Variants in RAPGEF1 observed in about 807,000 individuals in gnomAD.
The protein encoded by RAPGEF1 is Rap guanine nucleotide exchange factor 1, also known as CRK SH3-binding GNRP.
RAPGEF1 carries 33 observed loss-of-function variants against 143.3 expected under a neutral mutation model. The ratio of observed to expected loss-of-function variants is 0.23; its 90% CI spans 0.17 to 0.31. The LOEUF (loss-of-function observed/expected upper bound fraction) is 0.31, where lower values mean the gene tolerates loss of function less well. Ranked by LOEUF, RAPGEF1 falls within the 10% of genes least tolerant of loss-of-function variation. RAPGEF1 has a pLI of 1.00. For synonymous variants in RAPGEF1, 629 were observed against 676.5 expected (o/e 0.93, Z 1.09); for missense variants, 1,199 against 1,645.4 (o/e 0.73, Z 4.69).
At position 131,605,009 on chromosome 9, in the gene RAPGEF1, C is replaced by T; in HGVS notation, c.2241G>A (p.Gly747=). The T allele has an allele frequency of 7.4e-7, 1 of 1,357,746 alleles. No individual in the cohort carries two copies. The highest frequency in any genetic ancestry group is 9.8e-7 in the Non-Finnish European group (1 of 1,018,068). The allele number at this position is 1,357,746 out of a possible 1,614,324, so 84.1% of individuals were successfully genotyped here. The part of the protein sequence containing the change: ...MAGPPPSTVD[G]PLSASQESSF... ...TGCTCTCCTGAGAAGCCGAGAGAGG[C>T]CCGTCCACGGTGCTGGGAGGTGGAC... Residue 747 remains glycine (G), a synonymous_variant, in exon 13 of 27, where the codon GGG becomes GGA. Transcript: ENST00000683357.
intron 1 of RAPGEF1, among the ~76,000 whole-genome samples, chr9:131,720,726 T>A (rs1221623316): frequency 6.6e-6 from 1 of 152,148 alleles, no homozygotes; most frequent in Non-Finnish European, 1.5e-5. Context: ...CCTCCCACAG[T>A]ATATCACTTG....
chr9:131,595,194 C>T (rs1955042082), intron 17 of RAPGEF1, among the ~76,000 whole-genome samples: 1 of 152,242 alleles, frequency 6.6e-6, no homozygotes, highest in Admixed American at 6.5e-5. Context: ...TGTCATGGCA[C>T]AGCTGGGGCT....
At chr9:131,701,332 C>T (rs1300167072) in intron 1 of RAPGEF1, among the ~76,000 whole-genome samples, 1 of 152,182 alleles carries the variant, frequency 6.6e-6, no homozygotes, top group East Asian at 1.9e-4. Context: ...CTTACCCACA[C>T]CCAAAACTAC....
At chr9:131,735,187 G>A (rs756471520) in intron 1 of RAPGEF1, among the ~76,000 whole-genome samples, 7 of 152,222 alleles carry the variant, frequency 4.6e-5, no homozygotes, top group African/African-American at 1.2e-4. Flanking sequence ...TGAGGCAGGC[G>A]ATGAGTGAAG....
chr9:131,675,641 C>T lies in RAPGEF1; in HGVS notation c.62-24692G>A, dbSNP rs1235975519. On this transcript the variant is annotated intron_variant, in intron 1 of 26. Coordinates refer to ENST00000683357, the MANE Select transcript of RAPGEF1 (RefSeq NM_001377935.1). The surrounding 1 kb of genome is among the most constrained non-coding windows in gnomAD (Gnocchi z 4.6). ...TCCAAAGTAAGCACACACCATTATCCTGCCCCTGTACCAGGAAAGCCCCCA... is the reference window on the plus strand; with the variant it reads ...TCCAAAGTAAGCACACACCATTATCTTGCCCCTGTACCAGGAAAGCCCCCA... 2.0e-5 allele frequency among the ~76,000 whole-genome samples: 3 copies of T among 152,214 alleles called. No individual in the cohort carries two copies. The highest frequency in any genetic ancestry group is 7.2e-5 in the African/African-American group (3 of 41,444).
intron 1 of RAPGEF1, among the ~76,000 whole-genome samples, chr9:131,712,147 C>T (rs1452728708): frequency 6.6e-6 from 1 of 152,114 alleles, no homozygotes; most frequent in Non-Finnish European, 1.5e-5. Context: ...GCAGAGGCTC[C>T]CTGTTTCCCT....
chr9:131,591,496 C>T (rs1954253192), intron 18 of RAPGEF1, among the ~76,000 whole-genome samples: 1 of 152,192 alleles, frequency 6.6e-6, no homozygotes, highest in Non-Finnish European at 1.5e-5. Flanking sequence ...TGGGTCCTTC[C>T]AAACCCCTGG....
chr9:131,677,781 T>C (rs1049827677), intron 1 of RAPGEF1, among the ~76,000 whole-genome samples: 9 of 152,174 alleles, frequency 5.9e-5, no homozygotes, highest in African/African-American at 2.2e-4. Context: ...GGAAGGCAAA[T>C]GAAACAGGCT....
chr9:131,721,101 C>T (rs1836232102), intron 1 of RAPGEF1, among the ~76,000 whole-genome samples: 1 of 152,188 alleles, frequency 6.6e-6, no homozygotes, highest in Admixed American at 6.5e-5. Flanking sequence ...GACCCTCCCG[C>T]AGACTCCATG....
At chr9:131,620,196 G>T (rs1247304018) in intron 11 of RAPGEF1, among the ~76,000 whole-genome samples, 1 of 152,146 alleles carries the variant, frequency 6.6e-6, no homozygotes, top group Non-Finnish European at 1.5e-5. Context: ...GAAGCCTGTG[G>T]ACTCCACAGT....
chr9:131,586,546 C>A (rs1367242705), intron 22 of RAPGEF1, among the ~76,000 whole-genome samples: 4 of 42,842 alleles, frequency 9.3e-5, no homozygotes, highest in African/African-American at 5.5e-4. Context: ...ACACACACAC[C>A]TGCAGAGCGA....
intron 1 of RAPGEF1, among the ~76,000 whole-genome samples, chr9:131,687,938 C>T (rs759033988): frequency 3.3e-5 from 5 of 152,176 alleles, no homozygotes; most frequent in African/African-American, 4.8e-5. Flanking sequence ...GTGTTACCCA[C>T]GTGAAGATAC....
intron 3 of RAPGEF1, among the ~76,000 whole-genome samples, chr9:131,648,940 C>T (rs1158527666): frequency 2.6e-5 from 4 of 152,182 alleles, no homozygotes; most frequent in African/African-American, 9.7e-5. Flanking sequence ...GACAGTAGTT[C>T]TGCTACATAG....
chr9:131,737,288 CCT>C, intron 1 of RAPGEF1: 1 of 1,539,530 alleles, frequency 6.5e-7, no homozygotes, highest in Admixed American at 1.7e-5. Flanking sequence ...TCCCCTCTCT[CCT>C]CTTTCTCCCT....
intron 18 of RAPGEF1, among the ~76,000 whole-genome samples, chr9:131,590,622 C>T (rs934956904): frequency 5.9e-5 from 9 of 152,194 alleles, no homozygotes; most frequent in Non-Finnish European, 8.8e-5. Context: ...CTGTTGTGCT[C>T]GCCATCGACT....
intron 1 of RAPGEF1, among the ~76,000 whole-genome samples, chr9:131,707,869 C>T (rs1242159242): frequency 1.3e-5 from 2 of 152,220 alleles, no homozygotes; most frequent in African/African-American, 4.8e-5. Flanking sequence ...AAAGCACACA[C>T]TCCTACATGA....
chr9:131,627,939 G>T lies in RAPGEF1; in HGVS notation c.1175C>A (p.Ser392Tyr). The T allele has an allele frequency of 6.3e-7, 1 of 1,587,830 alleles. No individual in the cohort carries two copies. The stretch of plus-strand genomic sequence containing the variant: ...TAGTGTTTCACAGCTTGTGTTCCGG[G>T]AGCACTGCCCACTGTCCCTGTCCAG... ...SSLDRDSGQC[S>Y]RNTSCETLDH... The change falls in exon 9 of 27, where the codon TCC becomes TAC. Residue 392 changes from serine (S) to tyrosine (Y), a missense_variant. Around this residue, in one of 6 missense-constraint regions of RAPGEF1, gnomAD observed 613 missense variants for 710.9 expected, o/e 0.86. Coordinates refer to ENST00000683357, the MANE Select transcript of RAPGEF1 (RefSeq NM_001377935.1).
chr9:131,638,650 C>A lies in RAPGEF1; in HGVS notation c.636G>T (p.Val212=). 6.2e-7 allele frequency: 1 copy of A among 1,614,042 alleles called. No individual in the cohort carries two copies. Among genetic ancestry groups the A allele is most frequent in the Non-Finnish European group, 8.5e-7 (1 of 1,179,890 alleles). The part of the protein sequence containing the change: ...VTTVKGVIKA[V]LDGVKELVRL... ...GCACCGGTACCTTCACTCCATCCAG[C>A]ACAGCCTTGATGACCCCCTTCACAG... The change falls in exon 5 of 27, where the codon GTG becomes GTT. Residue 212 remains valine (V), a synonymous_variant. Transcript: ENST00000683357.
chr9:131,598,363 T>A (rs527859153), intron 15 of RAPGEF1, 53 bp from the exon 16 acceptor site: 32 of 1,495,876 alleles, frequency 2.1e-5, no homozygotes, highest in Admixed American at 1.1e-4. Flanking sequence ...CAGCTCCCGA[T>A]GCCTGGAGGC....
Sources: gnomAD v4.1 joint callset for allele counts (sites outside exome capture counted in the v4.1 genomes callset) on GRCh38, gnomAD v4.1.1 for gene constraint, gnomAD v4.1.1 regional missense constraint, Gnocchi (gnomAD v3.1) non-coding constraint, MANE v1.5 for transcripts, NCBI Gene and HGNC (gene_info 2026-07-23, HGNC 2026-07-21) for gene names.